Variants in CENPE observed in about 807,000 individuals in gnomAD.
The protein encoded by CENPE is centromere protein E, also known as centromere-associated protein E.
A neutral mutation model predicts 336.1 loss-of-function variants in CENPE; 145 were observed. That is an observed-to-expected ratio of 0.43 (90% CI 0.38 to 0.50). The LOEUF is 0.50. Ranked by LOEUF, CENPE falls within the 20% of genes least tolerant of loss-of-function variation. The probability of loss-of-function intolerance (pLI) is 0.00; values close to 1 mark genes in which losing one functional copy is unlikely to be tolerated. For missense variants in CENPE, 2,719 were observed against 3,023.3 expected (o/e 0.90, Z 2.36); for synonymous variants, 1,013 against 984.8 (o/e 1.03, Z -0.54).
At chr4:103,137,022 T>C (rs1752125588) in intron 39 of CENPE, among the ~76,000 whole-genome samples, 1 of 152,178 alleles carries the variant, frequency 6.6e-6, no homozygotes, top group Admixed American at 6.5e-5. Context: ...CTATGTAATC[T>C]ATAAAACAGA....
intron 21 of CENPE, among the ~76,000 whole-genome samples, chr4:103,159,775 A>T (rs544636745): frequency 1.8e-4 from 27 of 152,066 alleles, no homozygotes; most frequent in African/African-American, 6.5e-4. Flanking sequence ...GAAGTATCTT[A>T]AGTGGTATGG....
At chr4:103,196,929 G>C in intron 1 of CENPE, 79 bp from the exon 2 acceptor site, 2 of 718,588 alleles carry the variant, frequency 2.8e-6, no homozygotes, top group East Asian at 5.2e-5. Flanking sequence ...GATTTCACCT[G>C]CTAAAGAATA....
chr4:103,189,732 A>C (rs1170693155), intron 8 of CENPE, among the ~76,000 whole-genome samples: 1 of 152,190 alleles, frequency 6.6e-6, no homozygotes, highest in Admixed American at 6.5e-5. Flanking sequence ...AAACTGGCAC[A>C]AGACAAGGAT....
At chr4:103,162,489 TTAATA>T in intron 18 of CENPE, among the ~76,000 whole-genome samples, 1 of 152,124 alleles carries the variant, frequency 6.6e-6, no homozygotes, top group African/African-American at 2.4e-5. Flanking sequence ...ATATCCCAGT[TTAATA>T]TTTAAGATCT....
At position 103,141,918 on chromosome 4, in the gene CENPE, TAGAGA is replaced by T; in HGVS notation, c.5305-15_5305-11del. ...CTTGTATTTTCAGATCCTTTACCAT[TAGAGA>T]AATTTTAAAAACAGTGACATATCTT... On this transcript the variant is annotated splice_polypyrimidine_tract_variant and intron_variant, in intron 34 of 48. Transcript: ENST00000265148. The T allele has an allele frequency of 6.6e-7, 1 of 1,523,628 alleles. No individual in the cohort carries two copies. The allele number at this position is 1,523,628 out of a possible 1,614,324, so 94.4% of individuals were successfully genotyped here. A position where few individuals can be genotyped will look rare whatever the true frequency, so the allele number is the denominator to read the frequency against.
chr4:103,148,797 G>A (rs756583948), intron 28 of CENPE, 47 bp downstream of exon 28: 6 of 1,529,028 alleles, frequency 3.9e-6, no homozygotes, highest in Non-Finnish European at 5.4e-6. Context: ...CTTCAAAGGA[G>A]AAAGGAAGGA....
chr4:103,134,450 C>G (rs1423723003), intron 40 of CENPE, among the ~76,000 whole-genome samples: 1 of 151,850 alleles, frequency 6.6e-6, no homozygotes, highest in Non-Finnish European at 1.5e-5. Flanking sequence ...CTGGCTAACA[C>G]AGTGAAACCC....
chr4:103,178,679 T>C (rs1756082939), intron 13 of CENPE, among the ~76,000 whole-genome samples: 1 of 152,206 alleles, frequency 6.6e-6, no homozygotes, highest in South Asian at 2.1e-4. Flanking sequence ...TCCATCTTTA[T>C]CTTATTTAAC....
chr4:103,174,770 T>C lies in CENPE; in HGVS notation c.1613A>G (p.Glu538Gly). Reference sequence around the variant, plus strand: ...TTTTTTAGTTTTTCTTTCTAGAGCCTCAAATTCATCCAAATCATTCTTTTC... The same window carrying C: ...TTTTTTAGTTTTTCTTTCTAGAGCCCCAAATTCATCCAAATCATTCTTTTC... ...LKEKNDLDEF[E>G]ALERKTKKDQ... Residue 538 changes from glutamate to glycine, a missense_variant, in exon 16 of 49, where the codon GAG becomes GGG. Coordinates refer to ENST00000265148, the MANE Select transcript of CENPE (RefSeq NM_001813.3). 1 of 1,548,182 alleles carries C rather than the reference T, an allele frequency of 6.5e-7. No individual in the cohort carries two copies. Among genetic ancestry groups the C allele is most frequent in the Non-Finnish European group, 8.7e-7 (1 of 1,150,108 alleles).
chr4:103,133,947 A>G (rs747202379), intron 40 of CENPE, 55 bp from the exon 41 acceptor site: 6 of 1,119,534 alleles, frequency 5.4e-6, no homozygotes, highest in African/African-American at 1.5e-5. Context: ...ACATGTAGAG[A>G]AAGTTTTCAT....
chr4:103,110,808 A>T lies in CENPE; in HGVS notation c.7724+20T>A. On this transcript the variant is annotated intron_variant, in intron 47 of 48. Coordinates refer to ENST00000265148, the MANE Select transcript of CENPE (RefSeq NM_001813.3). ...TAATAGCCGTAAGCATAATATCCGT[A>T]TCATGTAAGCAGATCTTACCTTAAC... 1 of 1,548,558 alleles carries T rather than the reference A, an allele frequency of 6.5e-7. No homozygotes were observed. The highest frequency in any genetic ancestry group is 1.2e-5 in the South Asian group (1 of 80,840).
intron 16 of CENPE, among the ~76,000 whole-genome samples, chr4:103,164,645 T>C (rs1392262786): frequency 1.3e-5 from 2 of 152,130 alleles, no homozygotes; most frequent in Admixed American, 1.3e-4. Context: ...AAAATGTTTC[T>C]TCAGGTAATC....
chr4:103,195,369 A>T, intron 4 of CENPE, 136 bp from the exon 5 acceptor site: 3 of 583,142 alleles, frequency 5.1e-6, no homozygotes, highest in Non-Finnish European at 5.5e-6. Context: ...CTGTTGACAA[A>T]ATAATGAACA....
chr4:103,162,990 T>C lies in CENPE; in HGVS notation c.1842+147A>G, dbSNP rs111991430. 331 of 529,382 alleles carry C rather than the reference T, an allele frequency of 6.3e-4. 3 individuals carry two copies. The highest frequency in any genetic ancestry group is 5.7e-3 in the African/African-American group (295 of 51,318). The allele number at this position is 529,382 out of a possible 1,614,324, so 32.8% of individuals were successfully genotyped here. A position where few individuals can be genotyped will look rare whatever the true frequency, so the allele number is the denominator to read the frequency against. ...AAATATACTAACAGTCCCTATCTCATAGGGTTATTGACAGATTTAATGAAA... is the reference window on the plus strand; with the variant it reads ...AAATATACTAACAGTCCCTATCTCACAGGGTTATTGACAGATTTAATGAAA... On this transcript the variant is annotated intron_variant, in intron 18 of 48. Transcript: ENST00000265148.
At chr4:103,183,962 C>T (rs1756537569) in intron 9 of CENPE, among the ~76,000 whole-genome samples, 1 of 152,126 alleles carries the variant, frequency 6.6e-6, no homozygotes, top group South Asian at 2.1e-4. Context: ...TGATCTTTTT[C>T]ATTCTTTTTT....
intron 39 of CENPE, 65 bp from the exon 40 acceptor site, chr4:103,136,424 A>G: frequency 8.8e-7 from 1 of 1,130,376 alleles, no homozygotes. Context: ...AAGTAGTTAC[A>G]ACTCTAGAAT....
At chr4:103,164,667 T>C (rs1200616552) in intron 16 of CENPE, among the ~76,000 whole-genome samples, 3 of 152,066 alleles carry the variant, frequency 2.0e-5, no homozygotes, top group Non-Finnish European at 4.4e-5. Context: ...ATCCAACATG[T>C]TTCTTTAGGT....
chr4:103,145,819 T>G lies in CENPE; in HGVS notation c.4413+10A>C, dbSNP rs781084941. ...TATTTTTTAAAAACATGGTGAAAGA[T>G]GAAACCTACTTTAGCTACAATTTCT... On this transcript the variant is annotated intron_variant, in intron 30 of 48. Transcript: ENST00000265148. 35 of 1,578,290 alleles carry G rather than the reference T, an allele frequency of 2.2e-5. No individual in the cohort carries two copies. The highest frequency in any genetic ancestry group is 2.8e-5 in the Non-Finnish European group (33 of 1,168,226).
intron 46 of CENPE, among the ~76,000 whole-genome samples, chr4:103,112,706 A>G (rs1749601079): frequency 7.6e-6 from 1 of 130,904 alleles, no homozygotes; most frequent in South Asian, 2.4e-4. Flanking sequence ...GTGTATATAT[A>G]TACTTATAAG....
Sources: allele counts gnomAD v4.1 joint callset (sites outside exome capture counted in the v4.1 genomes callset), GRCh38; gene constraint gnomAD v4.1.1; transcripts MANE v1.5; gene names NCBI Gene and HGNC (gene_info 2026-07-23, HGNC 2026-07-21).